The following ELMO1 variants were observed in gnomAD, a reference collection of about 807,000 sequenced individuals.
ELMO1 encodes the protein engulfment and cell motility protein 1.
ELMO1 carries 26 observed loss-of-function variants against 98.9 expected under a neutral mutation model. The ratio of observed to expected loss-of-function variants is 0.26; its 90% CI spans 0.19 to 0.36. The LOEUF is 0.36. Ranked by LOEUF, ELMO1 falls within the 10% of genes least tolerant of loss-of-function variation. ELMO1 has a pLI of 1.00. For missense variants in ELMO1, 627 were observed against 935.2 expected (o/e 0.67, Z 4.30); for synonymous variants, 346 against 346.0 (o/e 1.00, Z 0.00).
In ELMO1 at chr7:36,985,334, T is replaced by C. The variant is rs530589069; in HGVS notation, c.1437+27965A>G. ...CACTTCACTTTATCTTTGCAATTAA[T>C]TAAAAAACATATTTCAATTTGGAGA... is the stretch of plus-strand genomic sequence containing the variant. On this transcript the variant is annotated intron_variant, in intron 16 of 21. Transcript: ENST00000310758. Among the ~76,000 whole-genome samples, 9 of 152,248 alleles carry C rather than the reference T, an allele frequency of 5.9e-5. No homozygotes were observed. The South Asian group carries it at 1.9e-3, about 32-fold the overall frequency.
chr7:37,022,838 T>C (rs530920314), intron 15 of ELMO1, among the ~76,000 whole-genome samples: 2 of 152,298 alleles, frequency 1.3e-5, no homozygotes, highest in African/African-American at 4.8e-5. Flanking sequence ...TAAATGTCCA[T>C]CCAGCAGATT....
At chr7:37,166,132 G>T (rs1789670111) in intron 13 of ELMO1, among the ~76,000 whole-genome samples, 1 of 152,326 alleles carries the variant, frequency 6.6e-6, no homozygotes, top group East Asian at 1.9e-4. Context: ...GCATAGAGGT[G>T]TTTGTAGTAA....
chr7:37,312,212 C>A (rs1798922634), intron 4 of ELMO1, among the ~76,000 whole-genome samples: 1 of 152,188 alleles, frequency 6.6e-6, no homozygotes, highest in South Asian at 2.1e-4. Flanking sequence ...CCTGCCTCAG[C>A]CTCCTGAGTG....
intron 6 of ELMO1, among the ~76,000 whole-genome samples, chr7:37,253,179 A>C (rs1459833254): frequency 1.3e-5 from 2 of 152,176 alleles, no homozygotes; most frequent in African/African-American, 4.8e-5. Flanking sequence ...TGATTCCTCA[A>C]GGATCTAGAA....
At chr7:37,129,284 C>T (rs750391549) in intron 14 of ELMO1, among the ~76,000 whole-genome samples, 13 of 152,044 alleles carry the variant, frequency 8.6e-5, no homozygotes, top group African/African-American at 2.7e-4. Context: ...GCAACTGGCA[C>T]GGAAGATGGG....
At chr7:37,104,486 T>C (rs1426244280) in intron 14 of ELMO1, among the ~76,000 whole-genome samples, 1 of 152,032 alleles carries the variant, frequency 6.6e-6, no homozygotes, top group African/African-American at 2.4e-5. Flanking sequence ...AATGAGGGGA[T>C]TGAGGGAGAG....
At chr7:37,016,080 A>G (rs544225579) in intron 15 of ELMO1, among the ~76,000 whole-genome samples, 120 of 152,262 alleles carry the variant, frequency 7.9e-4, no homozygotes, top group South Asian at 1.5e-3. Flanking sequence ...CACTATTGCC[A>G]TCTAAGAATT....
chr7:37,069,734 T>G (rs1314160070), intron 15 of ELMO1, among the ~76,000 whole-genome samples: 1 of 152,232 alleles, frequency 6.6e-6, no homozygotes, highest in Admixed American at 6.5e-5. Context: ...GGTCTCAGAA[T>G]TAGTAATAAA....
At chr7:37,439,769 GA>G (rs1376828954) in intron 1 of ELMO1, among the ~76,000 whole-genome samples, 1 of 152,228 alleles carries the variant, frequency 6.6e-6, no homozygotes, top group Non-Finnish European at 1.5e-5. Context: ...GACAGTAATT[GA>G]GAAAGTAGTT....
chr7:37,279,153 G>C (rs1797008820), intron 4 of ELMO1, among the ~76,000 whole-genome samples: 1 of 152,108 alleles, frequency 6.6e-6, no homozygotes, highest in African/African-American at 2.4e-5. Context: ...AGTGAGCCGA[G>C]ATCACGCCAC....
intron 1 of ELMO1, among the ~76,000 whole-genome samples, chr7:37,424,032 C>T (rs1804601636): frequency 6.6e-6 from 1 of 152,104 alleles, no homozygotes; most frequent in East Asian, 1.9e-4. Flanking sequence ...AGCAGGGAGT[C>T]CCCTGTGGAA....
Position 37,126,587 on chromosome 7 carries a change from C to T in ELMO1, c.1191+6543G>A, listed in dbSNP as rs192757291. On this transcript the variant is annotated intron_variant, in intron 14 of 21. Coordinates refer to ENST00000310758, the MANE Select transcript of ELMO1 (RefSeq NM_014800.11). ...AAAACTGCAAAGAAGTATCAAGCAA[C>T]GTTTTTATAACTTGATAGTTGTGCC... Among the ~76,000 whole-genome samples, 155 of 152,204 alleles carry T rather than the reference C, an allele frequency of 1.0e-3. 1 individual carries two copies. The highest frequency in any genetic ancestry group is 3.5e-3 in the African/African-American group (145 of 41,530).
chr7:37,444,952 T>C (rs543315993), intron 1 of ELMO1, among the ~76,000 whole-genome samples: 1 of 152,360 alleles, frequency 6.6e-6, no homozygotes, highest in Non-Finnish European at 1.5e-5. Flanking sequence ...CTTGTAGCCC[T>C]CTAGAACGTC....
At chr7:36,987,238 G>A (rs1040881293) in intron 16 of ELMO1, among the ~76,000 whole-genome samples, 4 of 151,752 alleles carry the variant, frequency 2.6e-5, no homozygotes, top group Admixed American at 6.6e-5. Flanking sequence ...CAAATTCCCC[G>A]GGTTGCATGA....
At chr7:37,243,472 A>C (rs1794853345) in intron 7 of ELMO1, among the ~76,000 whole-genome samples, 1 of 152,206 alleles carries the variant, frequency 6.6e-6, no homozygotes, top group Non-Finnish European at 1.5e-5. Flanking sequence ...CTACTGTATT[A>C]AATACATCAA....
chr7:36,888,282 A>G (rs997291178), intron 17 of ELMO1, among the ~76,000 whole-genome samples: 3 of 152,216 alleles, frequency 2.0e-5, no homozygotes, highest in Non-Finnish European at 4.4e-5. Flanking sequence ...CTAATGCAAT[A>G]TAATTTAGTT....
intron 13 of ELMO1, among the ~76,000 whole-genome samples, chr7:37,180,973 A>C (rs908971583): frequency 4.6e-5 from 7 of 152,186 alleles, no homozygotes; most frequent in African/African-American, 1.7e-4. Flanking sequence ...TTAAAATCAT[A>C]TCAAAATAGA....
intron 16 of ELMO1, among the ~76,000 whole-genome samples, chr7:36,938,647 C>A (rs1337977203): frequency 6.6e-6 from 1 of 152,158 alleles, no homozygotes; most frequent in East Asian, 1.9e-4. Context: ...CCACTGTCAT[C>A]AACTTTTTAA....
intron 16 of ELMO1, among the ~76,000 whole-genome samples, chr7:36,960,349 T>TC (rs1367648530): frequency 1.3e-5 from 2 of 152,244 alleles, no homozygotes; most frequent in Non-Finnish European, 2.9e-5. Context: ...CACAGGCCTC[T>TC]CCTTGTTCAC....
Sources: allele counts gnomAD v4.1 joint callset (sites outside exome capture counted in the v4.1 genomes callset), GRCh38; gene constraint gnomAD v4.1.1; transcripts MANE v1.5; gene names NCBI Gene and HGNC (gene_info 2026-07-23, HGNC 2026-07-21).